Variants in OR6N1 observed in about 807,000 individuals in gnomAD.
The protein encoded by OR6N1 is olfactory receptor 6N1.
For synonymous variants in OR6N1, 170 were observed against 150.7 expected (o/e 1.13, Z -0.94); for missense variants, 394 against 371.7 (o/e 1.06, Z -0.49).
At chr1:158,782,783 T>C in the OR6N1 span, among the ~76,000 whole-genome samples, 1 of 151,054 alleles carries the variant, frequency 6.6e-6, no homozygotes, top group Non-Finnish European at 1.5e-5. Flanking sequence ...TGTACAGTGT[T>C]ATACGTAATT....
chr1:158,790,979 G>A, the OR6N1 span, among the ~76,000 whole-genome samples: 2 of 152,162 alleles, frequency 1.3e-5, no homozygotes. Flanking sequence ...ATCGTAAAGT[G>A]ATGCTGGATT....
chr1:158,824,074 T>C, the OR6N1 span, among the ~76,000 whole-genome samples: 4 of 152,060 alleles, frequency 2.6e-5, no homozygotes, highest in Admixed American at 2.6e-4. Flanking sequence ...TCCAAGAGTG[T>C]GGTTGATATG....
the OR6N1 span, among the ~76,000 whole-genome samples, chr1:158,834,140 C>T: frequency 1.3e-5 from 2 of 151,126 alleles, no homozygotes; most frequent in African/African-American, 4.9e-5. Context: ...TTGTATTTTT[C>T]TAAAGATTAT....
chr1:158,815,546 C>T, the OR6N1 span, among the ~76,000 whole-genome samples: 1 of 152,112 alleles, frequency 6.6e-6, no homozygotes, highest in Non-Finnish European at 1.5e-5. Flanking sequence ...GCTCCAGGGT[C>T]ACTTTGGTCA....
chr1:158,787,668 C>T, the OR6N1 span, among the ~76,000 whole-genome samples: 2 of 150,818 alleles, frequency 1.3e-5, no homozygotes, highest in Non-Finnish European at 2.9e-5. Context: ...CACACACACA[C>T]ACATACACAA....
At chr1:158,818,790 T>G in the OR6N1 span, among the ~76,000 whole-genome samples, 1 of 152,196 alleles carries the variant, frequency 6.6e-6, no homozygotes, top group Non-Finnish European at 1.5e-5. Context: ...TTTTGCTTCC[T>G]CTTCCCTTTA....
chr1:158,830,636 C>T, the OR6N1 span, among the ~76,000 whole-genome samples: 6 of 152,272 alleles, frequency 3.9e-5, no homozygotes, highest in African/African-American at 1.4e-4. Flanking sequence ...TATCAGGCCC[C>T]CTATCATTCC....
At chr1:158,804,196 C>T in the OR6N1 span, among the ~76,000 whole-genome samples, 2 of 152,156 alleles carry the variant, frequency 1.3e-5, no homozygotes, top group Non-Finnish European at 2.9e-5. Flanking sequence ...TAGGATTGTG[C>T]TGCAACAAAA....
At chr1:158,830,849 C>T in the OR6N1 span, among the ~76,000 whole-genome samples, 2 of 152,114 alleles carry the variant, frequency 1.3e-5, no homozygotes, top group Non-Finnish European at 2.9e-5. Context: ...TGACTTTCTG[C>T]CTCTGTCAAG....
the OR6N1 span, among the ~76,000 whole-genome samples, chr1:158,800,757 C>G: frequency 6.6e-6 from 1 of 152,094 alleles, no homozygotes; most frequent in Admixed American, 6.6e-5. Flanking sequence ...AACAGGAAAC[C>G]CAAAACTTAC....
chr1:158,766,209 A>G lies in OR6N1; in HGVS notation c.474T>C (p.Val158=), dbSNP rs1657257280. The part of the protein sequence containing the change: ...CWLGGLAGPV[V]EISLISRLPF... ...GGAGGCGTGAAATCAAGGAAATTTC[A>G]ACTACTGGCCCAGCCAAGCCTCCCA... Residue 158 remains valine, a synonymous_variant, in exon 2 of 2, where the codon GTT becomes GTC. Coordinates refer to ENST00000641846, the MANE Select transcript of OR6N1 (RefSeq NM_001005185.2). The G allele has an allele frequency of 1.2e-6, 2 of 1,614,036 alleles. No individual in the cohort carries two copies. Among genetic ancestry groups the G allele is most frequent in the Admixed American group, 3.3e-5 (2 of 59,990 alleles).
the OR6N1 span, among the ~76,000 whole-genome samples, chr1:158,837,528 CTCT>C: frequency 1.6e-4 from 25 of 151,812 alleles, no homozygotes; most frequent in East Asian, 4.8e-3. Flanking sequence ...AAACTCTGCT[CTCT>C]TATTTAATAT....
At chr1:158,772,749 A>G (rs1007750136), upstream of OR6N1, among the ~76,000 whole-genome samples, 2 of 152,176 alleles carry the variant, frequency 1.3e-5, no homozygotes, top group African/African-American at 4.8e-5. Flanking sequence ...AATCTTGGAT[A>G]CAATCCCAGC....
chr1:158,833,230 A>G, the OR6N1 span, among the ~76,000 whole-genome samples: 1 of 152,196 alleles, frequency 6.6e-6, no homozygotes, highest in Non-Finnish European at 1.5e-5. Flanking sequence ...ATTTCTTTTC[A>G]TAATGAGTAG....
chr1:158,824,752 C>G, the OR6N1 span, among the ~76,000 whole-genome samples: 1 of 152,290 alleles, frequency 6.6e-6, no homozygotes, highest in South Asian at 2.1e-4. Flanking sequence ...ACTGAGGTAA[C>G]TGGCTATCTA....
the OR6N1 span, among the ~76,000 whole-genome samples, chr1:158,832,684 G>A: frequency 6.6e-6 from 1 of 151,508 alleles, no homozygotes; most frequent in South Asian, 2.1e-4. Flanking sequence ...GATACTTATT[G>A]ACTTAAGCCT....
At position 158,765,125 on chromosome 1, in the gene OR6N1, T is replaced by C. The variant is rs936736981; in HGVS notation, c.*619A>G. 1.3e-5 allele frequency: 2 copies of C among 152,214 alleles called. No homozygotes were observed. The highest frequency in any genetic ancestry group is 2.9e-5 in the Non-Finnish European group (2 of 68,038). The allele number at this position is 152,214 out of a possible 1,614,324, so 9.4% of individuals were successfully genotyped here. A position where few individuals can be genotyped will look rare whatever the true frequency, so the allele number is the denominator to read the frequency against. ...CCTACATGTCAGACACTGTGCACTG[T>C]GGTTTACAAATCTTAACGTTAATAT... On this transcript the variant is annotated 3_prime_UTR_variant, in exon 2 of 2. Transcript: ENST00000641846.
the OR6N1 span, among the ~76,000 whole-genome samples, chr1:158,785,272 A>C: frequency 2.6e-5 from 4 of 152,152 alleles, no homozygotes; most frequent in African/African-American, 9.7e-5. Context: ...GAAATTCAGT[A>C]TATTTTCCTA....
chr1:158,799,397 G>A, the OR6N1 span, among the ~76,000 whole-genome samples: 169 of 152,242 alleles, frequency 1.1e-3, 4 homozygotes, highest in South Asian at 0.032. Flanking sequence ...TCTAGCCTAC[G>A]TTTAAGTAGA....
Sources: allele counts gnomAD v4.1 joint callset (sites outside exome capture counted in the v4.1 genomes callset), GRCh38; gene constraint gnomAD v4.1.1; transcripts MANE v1.5; gene names NCBI Gene and HGNC (gene_info 2026-07-23, HGNC 2026-07-21).